The following FLVCR2 variants were observed in gnomAD, a reference collection of about 807,000 sequenced individuals.
FLVCR2 encodes the protein FLVCR choline and putative heme transporter 2.
FLVCR2 carries 38 observed loss-of-function variants against 48.9 expected under a neutral mutation model. The observed-to-expected ratio is 0.78, with a 90% CI of 0.60 to 1.02. The LOEUF (loss-of-function observed/expected upper bound fraction) is 1.02, where lower values mean the gene tolerates loss of function less well. FLVCR2 is among the 50% of genes least tolerant of loss of function. The pLI is 0.00. For synonymous variants in FLVCR2, 255 were observed against 257.0 expected (o/e 0.99, Z 0.07); for missense variants, 664 against 663.3 (o/e 1.00, Z -0.01).
In FLVCR2 at chr14:75,641,226, C is replaced by A; in HGVS notation, c.1386C>A (p.Asp462Glu). The change falls in exon 8 of 10, where the codon GAC becomes GAA. Residue 462 changes from aspartate (D) to glutamate (E), a missense_variant. Physicochemically the swap from Asp to Glu is conservative, Grantham distance 45 (BLOSUM62 2). Coordinates refer to ENST00000238667, the MANE Select transcript of FLVCR2 (RefSeq NM_017791.3). ...IFTISQGQIIDNYGTKPGNIF... is the reference protein window; with the variant it reads ...IFTISQGQIIENYGTKPGNIF... ...CCATCTCCCAGGGCCAGATTATTGA[C>A]AACTATGGAACCAAGCCTGGGAACA... is the stretch of plus-strand genomic sequence containing the variant. 1.2e-6 allele frequency: 2 copies of A among 1,614,014 alleles called. No individual in the cohort carries two copies. Among genetic ancestry groups the A allele is most frequent in the Non-Finnish European group, 1.7e-6 (2 of 1,179,976 alleles).
intron 1 of FLVCR2, among the ~76,000 whole-genome samples, chr14:75,590,829 G>A (rs1888861290): frequency 6.6e-6 from 1 of 152,196 alleles, no homozygotes; most frequent in Admixed American, 6.5e-5. Context: ...GCAGAACTGG[G>A]AGCAAATTAA....
At chr14:75,619,485 C>T (rs1038051399) in intron 1 of FLVCR2, among the ~76,000 whole-genome samples, 1 of 122,820 alleles carries the variant, frequency 8.1e-6, no homozygotes, top group Non-Finnish European at 1.8e-5. Context: ...GCTCATCCAT[C>T]CATCCATCCA....
chr14:75,636,617 A>C (rs1450988247), intron 5 of FLVCR2, among the ~76,000 whole-genome samples: 1 of 152,202 alleles, frequency 6.6e-6, no homozygotes, highest in Non-Finnish European at 1.5e-5. Flanking sequence ...AGATGTCACC[A>C]GTTCCTAGCA....
chr14:75,636,096 CA>C (rs1394685152), intron 5 of FLVCR2, among the ~76,000 whole-genome samples: 1 of 152,210 alleles, frequency 6.6e-6, no homozygotes, highest in Non-Finnish European at 1.5e-5. Context: ...ACTCAGTTAG[CA>C]CTGGCTGGCG....
At chr14:75,586,276 T>C (rs1888746837) in intron 1 of FLVCR2, among the ~76,000 whole-genome samples, 1 of 151,674 alleles carries the variant, frequency 6.6e-6, no homozygotes, top group African/African-American at 2.4e-5. Flanking sequence ...CAAAGTACAT[T>C]CTCAAGGGTG....
chr14:75,584,395 G>C lies in FLVCR2; in HGVS notation c.669+4754G>C, dbSNP rs1402711269. On this transcript the variant is annotated intron_variant, in intron 1 of 9. Coordinates refer to ENST00000238667, the MANE Select transcript of FLVCR2 (RefSeq NM_017791.3). ...TTTTCTAACATCAGGAGCTGACTGG[G>C]TGATAAAATGCATATTGAGAATAAG... Among the ~76,000 whole-genome samples, 14 of 144,716 alleles carry C rather than the reference G, an allele frequency of 9.7e-5. No homozygotes were observed. The Admixed American group carries it at 9.9e-4, about 10-fold the overall frequency. The allele number at this position is 144,716 out of a possible 152,430, so 94.9% of individuals were successfully genotyped here. A position where few individuals can be genotyped will look rare whatever the true frequency, so the allele number is the denominator to read the frequency against.
intron 1 of FLVCR2, among the ~76,000 whole-genome samples, chr14:75,584,098 C>A (rs555287650): frequency 6.6e-6 from 1 of 152,136 alleles, no homozygotes; most frequent in African/African-American, 2.4e-5. Flanking sequence ...TCCCGGGCTG[C>A]GGGCATTCTG....
At chr14:75,623,758 A>G (rs924917779) in intron 2 of FLVCR2, among the ~76,000 whole-genome samples, 1 of 152,206 alleles carries the variant, frequency 6.6e-6, no homozygotes, top group Admixed American at 6.5e-5. Flanking sequence ...GATTTAAAAA[A>G]AAATAATCAG....
At chr14:75,601,244 G>A (rs968080560) in intron 1 of FLVCR2, among the ~76,000 whole-genome samples, 2 of 152,280 alleles carry the variant, frequency 1.3e-5, no homozygotes, top group African/African-American at 2.4e-5. Context: ...TGTGGCTTAA[G>A]AATGCCTTTA....
At position 75,622,175 on chromosome 14, in the gene FLVCR2, A is replaced by G. The variant is rs559975316; in HGVS notation, c.766A>G (p.Ile256Val). The stretch of plus-strand genomic sequence containing the variant: ...CTACCACATCAGCATCATGTTCTAT[A>G]TAATAGGAGGTGTGGCCACTCTCCT... Reference protein sequence around the residue: ...LAYHISIMFYIIGGVATLLLI... With the variant: ...LAYHISIMFYVIGGVATLLLI... The change falls in exon 2 of 10, where the codon ATA becomes GTA. Residue 256 changes from isoleucine to valine, a missense_variant. By Grantham distance (29) the Ile-to-Val change is conservative. Coordinates refer to ENST00000238667, the MANE Select transcript of FLVCR2 (RefSeq NM_017791.3). The G allele has an allele frequency of 2.0e-5, 32 of 1,613,978 alleles. No homozygotes were observed. In the East Asian group the frequency reaches 6.7e-4, roughly 34 times the overall value.
intron 9 of FLVCR2, among the ~76,000 whole-genome samples, chr14:75,642,382 T>C (rs1890324759): frequency 6.6e-6 from 1 of 152,196 alleles, no homozygotes; most frequent in African/African-American, 2.4e-5. Context: ...GCCAAAGAAT[T>C]GCCAGTGGGG....
intron 1 of FLVCR2, among the ~76,000 whole-genome samples, chr14:75,610,547 C>A (rs561445181): frequency 6.6e-6 from 1 of 152,230 alleles, no homozygotes; most frequent in Non-Finnish European, 1.5e-5. Context: ...TGTATCTCTG[C>A]TCTTCAGCTA....
At position 75,619,742 on chromosome 14, in the gene FLVCR2, G is replaced by T. The variant is rs185990210; in HGVS notation, c.670-2337G>T. On this transcript the variant is annotated intron_variant, in intron 1 of 9. Transcript: ENST00000238667. ...CATGAGACAGTGTTGCTGCCCAGCT[G>T]GGGTTACTGTAGGCCACTGCTAAGG... 6.7e-4 allele frequency among the ~76,000 whole-genome samples: 102 copies of T among 152,302 alleles called. 1 individual carries two copies. Among genetic ancestry groups the T allele is most frequent in the African/African-American group, 2.0e-3 (83 of 41,568 alleles).
intron 3 of FLVCR2, chr14:75,632,918 A>G: frequency 1.4e-6 from 1 of 702,308 alleles, no homozygotes; most frequent in Non-Finnish European, 2.6e-6. Context: ...CATCATCACC[A>G]TTGAAGGGAG....
intron 1 of FLVCR2, among the ~76,000 whole-genome samples, chr14:75,594,873 C>A (rs1888978853): frequency 6.6e-6 from 1 of 152,098 alleles, no homozygotes; most frequent in Non-Finnish European, 1.5e-5. Context: ...CACACACTAC[C>A]ACACCTGGCT....
At chr14:75,595,383 C>G (rs1451637338) in intron 1 of FLVCR2, among the ~76,000 whole-genome samples, 1 of 152,182 alleles carries the variant, frequency 6.6e-6, no homozygotes, top group Non-Finnish European at 1.5e-5. Flanking sequence ...ACGAAAGGCT[C>G]TAGAAAGTGA....
At chr14:75,594,225 C>A (rs902739101) in intron 1 of FLVCR2, among the ~76,000 whole-genome samples, 2 of 149,928 alleles carry the variant, frequency 1.3e-5, no homozygotes, top group Non-Finnish European at 3.0e-5. Flanking sequence ...ATATTTCTAC[C>A]AACATTCTGA....
chr14:75,605,477 C>T, intron 1 of FLVCR2: 1 of 1,517,508 alleles, frequency 6.6e-7, no homozygotes, highest in Non-Finnish European at 8.8e-7. Flanking sequence ...TGCTTTCTGA[C>T]TTGATTACAG....
rs1379453295 is a variant in FLVCR2, at chr14:75,631,755, C to A, written c.953-1874C>A. The A allele has an allele frequency of 6.6e-6, 3 of 456,048 alleles. No individual in the cohort carries two copies. In the Admixed American group the frequency reaches 7.0e-5, roughly 11 times the overall value. 28.3% of individuals were successfully genotyped at this position (456,048 alleles called of 1,614,324 possible). On this transcript the variant is annotated intron_variant, in intron 3 of 9. Transcript: ENST00000238667. ...CTTTCTTCTCCTTCCCACGCTCCAC[C>A]TCACTTGGCTTTTCAGGAATGTCTC... is the stretch of plus-strand genomic sequence containing the variant.
Sources: allele counts gnomAD v4.1 joint callset (sites outside exome capture counted in the v4.1 genomes callset), GRCh38; gene constraint gnomAD v4.1.1; transcripts MANE v1.5; gene names NCBI Gene and HGNC (gene_info 2026-07-23, HGNC 2026-07-21).